Variants in GALNT10 observed in about 807,000 individuals in gnomAD.
The protein encoded by GALNT10 is polypeptide N-acetylgalactosaminyltransferase 10, also known as GalNAc transferase 10.
In GALNT10, 41 loss-of-function variants were observed where a neutral mutation model predicts 75.0. That is an observed-to-expected ratio of 0.55 (90% confidence interval 0.43 to 0.71). GALNT10 has a LOEUF of 0.71. Ranked by LOEUF, GALNT10 falls within the 30% of genes least tolerant of loss-of-function variation. The pLI is 0.00. For missense variants in GALNT10, 727 were observed against 818.5 expected, an observed-to-expected ratio of 0.89 and a Z score of 1.36; for synonymous variants, 302 against 313.0, an observed-to-expected ratio of 0.96 and a Z score of 0.37.
intron 4 of GALNT10, among the ~76,000 whole-genome samples, chr5:154,339,969 C>T (rs780244074): frequency 2.0e-5 from 3 of 152,064 alleles, no homozygotes; most frequent in East Asian, 1.9e-4. Context: ...CAGCTGAGGC[C>T]GGATGTAAAT....
Position 154,416,993 on chromosome 5 carries a change from G to A in GALNT10, c.*21G>A. On this transcript the variant is annotated 3_prime_UTR_variant, in exon 12 of 12. Coordinates refer to ENST00000297107, the MANE Select transcript of GALNT10 (RefSeq NM_198321.4). This position sits in a 1 kb window ranked among gnomAD's most constrained non-coding sequence, Gnocchi z 4.5. ...ACTGAGCCCTCATGTCCCCTTGGCA[G>A]GCCCCCCAGGGTCTGGCACTCACTG... 1 of 1,612,000 alleles carries A rather than the reference G, an allele frequency of 6.2e-7. No individual in the cohort carries two copies. Among genetic ancestry groups the A allele is most frequent in the Admixed American group, 1.7e-5 (1 of 59,986 alleles).
At chr5:154,399,080 A>G (rs1335586789) in intron 7 of GALNT10, among the ~76,000 whole-genome samples, 1 of 152,160 alleles carries the variant, frequency 6.6e-6, no homozygotes, top group African/African-American at 2.4e-5. Flanking sequence ...ACAGTTGAGG[A>G]GAGTGAGGCT....
Position 154,409,585 on chromosome 5 carries a change from G to A in GALNT10, c.1209G>A (p.Glu403=). The A allele has an allele frequency of 6.2e-7, 1 of 1,614,098 alleles. No homozygotes were observed. The highest frequency in any genetic ancestry group is 2.2e-5 in the East Asian group (1 of 44,878). The change falls in exon 9 of 12, where the codon GAG becomes GAA. Residue 403 remains glutamate (E), a synonymous_variant. Transcript: ENST00000297107. The surrounding 1 kb of genome is among the most constrained non-coding windows in gnomAD (Gnocchi z 4.5). ...VAEVWMDEYA[E]YIYQRRPEYR... is the part of the protein sequence containing the mutation. ...AAGTGTGGATGGATGAGTACGCAGAGTACATTTACCAGCGCCGGCCTGAAT... is the reference window on the plus strand; with the variant it reads ...AAGTGTGGATGGATGAGTACGCAGAATACATTTACCAGCGCCGGCCTGAAT...
At chr5:154,219,692 G>C (rs978601169) in intron 1 of GALNT10, 1 of 152,094 alleles carries the variant, frequency 6.6e-6, no homozygotes, top group Non-Finnish European at 1.5e-5. Flanking sequence ...ACACGCCCAG[G>C]TGATTATAAT....
chr5:154,350,001 G>A (rs1240125150), intron 4 of GALNT10, among the ~76,000 whole-genome samples: 3 of 152,168 alleles, frequency 2.0e-5, no homozygotes, highest in Non-Finnish European at 4.4e-5. Context: ...CATTTCACAT[G>A]CTCAATAGCC....
At chr5:154,361,579 G>T (rs3886611) in intron 4 of GALNT10, among the ~76,000 whole-genome samples, 44,202 of 152,006 alleles carry the variant, frequency 0.29, 7,488 homozygotes, top group East Asian at 0.56. Flanking sequence ...AATACTGGAG[G>T]CTCAGTTAAA....
At chr5:154,210,803 T>C (rs1775185153) in intron 1 of GALNT10, among the ~76,000 whole-genome samples, 1 of 152,354 alleles carries the variant, frequency 6.6e-6, no homozygotes, top group South Asian at 2.1e-4. Flanking sequence ...GAATATGAAC[T>C]GTAGATTAGA....
rs398109571 is a variant in GALNT10, at chr5:154,261,276, A to AG, written c.160-33540_160-33539insG. Among the ~76,000 whole-genome samples the AG allele has an allele frequency of 6.1e-4, 92 of 151,986 alleles. 1 individual carries two copies. Among genetic ancestry groups the AG allele is most frequent in the Admixed American group, 3.0e-3 (46 of 15,254 alleles). On this transcript the variant is annotated intron_variant, in intron 1 of 11. Coordinates refer to ENST00000297107, the MANE Select transcript of GALNT10 (RefSeq NM_198321.4). ...TAGGTTTAAGCTAAAAGAAAAAAAA[A>AG]CAGCATTAGTTCAACCTATTCACCT...
chr5:154,328,675 A>G (rs79312220), intron 3 of GALNT10, among the ~76,000 whole-genome samples: 2,291 of 152,282 alleles, frequency 0.015, 39 homozygotes, highest in Middle Eastern at 0.027. Context: ...CCTCACCCCC[A>G]ATCTTCAGAT....
intron 1 of GALNT10, among the ~76,000 whole-genome samples, chr5:154,227,616 C>A (rs1327091133): frequency 1.3e-5 from 2 of 151,928 alleles, no homozygotes; most frequent in East Asian, 3.9e-4. Context: ...GTCTTTTATT[C>A]TTTTAATAGT....
chr5:154,253,322 C>T (rs1366445267), intron 1 of GALNT10, among the ~76,000 whole-genome samples: 1 of 141,294 alleles, frequency 7.1e-6, no homozygotes, highest in Non-Finnish European at 1.5e-5. Context: ...TATTCTCACT[C>T]ATAGGTGGGA....
intron 4 of GALNT10, among the ~76,000 whole-genome samples, chr5:154,339,071 G>A (rs1053720304): frequency 6.6e-6 from 1 of 152,228 alleles, no homozygotes; most frequent in African/African-American, 2.4e-5. Flanking sequence ...CACTATGAAA[G>A]TACAAGGGCA....
intron 1 of GALNT10, among the ~76,000 whole-genome samples, chr5:154,291,346 T>C (rs906771694): frequency 6.6e-6 from 1 of 152,138 alleles, no homozygotes; most frequent in Admixed American, 6.5e-5. Context: ...CTACTCAAAG[T>C]GTCTTTTTTG....
At position 154,386,779 on chromosome 5, in the gene GALNT10, A is replaced by G. The variant is rs562242777; in HGVS notation, c.1056+349A>G. 1.2e-4 allele frequency: 58 copies of G among 493,920 alleles called. 3 individuals carry two copies. The South Asian group carries it at 1.6e-3, about 14-fold the overall frequency. 30.6% of individuals were successfully genotyped at this position (493,920 alleles called of 1,614,324 possible). On this transcript the variant is annotated intron_variant, in intron 7 of 11. Coordinates refer to ENST00000297107, the MANE Select transcript of GALNT10 (RefSeq NM_198321.4). Reference sequence around the variant, plus strand: ...CAGCAAATAAGCAGTGGGCCAGAGAAGCTAGGAAGGCCAAACAGGATACGT... The same window carrying G: ...CAGCAAATAAGCAGTGGGCCAGAGAGGCTAGGAAGGCCAAACAGGATACGT...
intron 1 of GALNT10, among the ~76,000 whole-genome samples, chr5:154,219,867 C>CA (rs370278926): frequency 1.4e-5 from 2 of 146,220 alleles, no homozygotes; most frequent in Non-Finnish European, 3.0e-5. Context: ...CACACACACA[C>CA]CACAGAGAGA....
intron 4 of GALNT10, among the ~76,000 whole-genome samples, chr5:154,346,170 T>TAC (rs977665746): frequency 1.3e-5 from 2 of 150,694 alleles, no homozygotes; most frequent in Admixed American, 6.6e-5. Context: ...GTGAGATAGA[T>TAC]ACACACACAC....
At chr5:154,194,338 T>C (rs921216926) in intron 1 of GALNT10, among the ~76,000 whole-genome samples, 2 of 152,248 alleles carry the variant, frequency 1.3e-5, no homozygotes, top group Non-Finnish European at 2.9e-5. Context: ...GCAGAAGCCT[T>C]GCCCATCAGA....
At chr5:154,370,232 C>T (rs562985401) in intron 4 of GALNT10, among the ~76,000 whole-genome samples, 18 of 152,298 alleles carry the variant, frequency 1.2e-4, no homozygotes, top group African/African-American at 2.9e-4. Context: ...GGTTCGCAGA[C>T]GCCTCTGGCT....
At chr5:154,277,545 A>G (rs780502776) in intron 1 of GALNT10, among the ~76,000 whole-genome samples, 22 of 152,098 alleles carry the variant, frequency 1.4e-4, no homozygotes, top group Admixed American at 3.3e-4. Flanking sequence ...ACAATCTACT[A>G]TAGTAATCCT....
Sources: allele counts gnomAD v4.1 joint callset (sites outside exome capture counted in the v4.1 genomes callset), GRCh38; gene constraint gnomAD v4.1.1; non-coding constraint Gnocchi (gnomAD v3.1); transcripts MANE v1.5; gene names NCBI Gene and HGNC (gene_info 2026-07-23, HGNC 2026-07-21).